Variants in CAP2 observed in about 807,000 individuals in gnomAD.
CAP2 encodes adenylyl cyclase-associated protein 2.
In CAP2, 24 loss-of-function variants were observed where a neutral mutation model predicts 57.7. The ratio of observed to expected loss-of-function variants is 0.42; its 90% confidence interval spans 0.30 to 0.58. The LOEUF (loss-of-function observed/expected upper bound fraction) is 0.58, where lower values mean the gene tolerates loss of function less well. Ranked by LOEUF, CAP2 falls within the 20% of genes least tolerant of loss-of-function variation. CAP2 has a pLI of 0.22. For missense variants in CAP2, 501 were observed against 590.3 expected, an observed-to-expected ratio of 0.85 and a Z score of 1.57; for synonymous variants, 194 against 207.2, an observed-to-expected ratio of 0.94 and a Z score of 0.55.
At chr6:17,429,253 T>C (rs1194586925) in intron 3 of CAP2, among the ~76,000 whole-genome samples, 1 of 152,200 alleles carries the variant, frequency 6.6e-6, no homozygotes, top group Non-Finnish European at 1.5e-5. Context: ...CTGAAAAAGA[T>C]GCTTGAGTGA....
chr6:17,545,209 T>G (rs1763013366), intron 11 of CAP2, among the ~76,000 whole-genome samples: 1 of 152,212 alleles, frequency 6.6e-6, no homozygotes, highest in Admixed American at 6.5e-5. Context: ...TTGGAAAGAA[T>G]GCAACCTAAC....
intron 7 of CAP2, among the ~76,000 whole-genome samples, chr6:17,517,644 T>C (rs1762300542): frequency 6.6e-6 from 1 of 152,212 alleles, no homozygotes; most frequent in African/African-American, 2.4e-5. Flanking sequence ...CTCACGCCTG[T>C]AATCCCAGCA....
At position 17,507,137 on chromosome 6, in the gene CAP2, A is replaced by G. The variant is rs565885593; in HGVS notation, c.301-32A>G. The G allele has an allele frequency of 2.6e-5, 42 of 1,613,710 alleles. No individual in the cohort carries two copies. In the South Asian group the frequency reaches 3.8e-4, roughly 15 times the overall value. On this transcript the variant is annotated intron_variant, in intron 4 of 12. Coordinates refer to ENST00000229922, the MANE Select transcript of CAP2 (RefSeq NM_006366.3). ...GGTGCTATGCGTCTGCTCTGTCTGT[A>G]GTAAAAGCCCCCGATGTTTGACTGC...
chr6:17,509,866 T>C (rs1475820864), intron 6 of CAP2, among the ~76,000 whole-genome samples: 2 of 152,022 alleles, frequency 1.3e-5, no homozygotes, highest in East Asian at 3.9e-4. Context: ...ATCCACACAA[T>C]AGAATATTAT....
At chr6:17,421,914 G>A (rs189080866) in intron 2 of CAP2, among the ~76,000 whole-genome samples, 14 of 152,316 alleles carry the variant, frequency 9.2e-5, no homozygotes, top group East Asian at 1.9e-4. Context: ...ACAGGGTCTC[G>A]CTCTATCACC....
At chr6:17,553,814 G>A (rs1013290727) in intron 12 of CAP2, among the ~76,000 whole-genome samples, 2 of 152,116 alleles carry the variant, frequency 1.3e-5, no homozygotes, top group Admixed American at 6.5e-5. Flanking sequence ...GAGAAGACTC[G>A]TTAGCATATT....
At position 17,555,182 on chromosome 6, in the gene CAP2, C is replaced by T. The variant is rs528881916; in HGVS notation, c.1351-1177C>T. On this transcript the variant is annotated intron_variant, in intron 12 of 12. Coordinates refer to ENST00000229922, the MANE Select transcript of CAP2 (RefSeq NM_006366.3). ...ATCAGAATCTGCATTTTCATAAGATCCTGAATCAGAATCTGCATTTTTTTT... is the reference window on the plus strand; with the variant it reads ...ATCAGAATCTGCATTTTCATAAGATTCTGAATCAGAATCTGCATTTTTTTT... 2.6e-5 allele frequency among the ~76,000 whole-genome samples: 4 copies of T among 152,176 alleles called. No individual in the cohort carries two copies. The South Asian group carries it at 8.3e-4, about 32-fold the overall frequency.
At chr6:17,437,719 A>G (rs932659049) in intron 3 of CAP2, among the ~76,000 whole-genome samples, 1 of 151,932 alleles carries the variant, frequency 6.6e-6, no homozygotes, top group African/African-American at 2.4e-5. Flanking sequence ...TCTACTAAAA[A>G]TACAAAAATT....
chr6:17,455,306 G>C (rs1760529723), intron 3 of CAP2, among the ~76,000 whole-genome samples: 1 of 151,660 alleles, frequency 6.6e-6, no homozygotes, highest in Non-Finnish European at 1.5e-5. Context: ...TGCCTCAAGC[G>C]AGCATGCGCA....
At chr6:17,443,180 A>G (rs908498632) in intron 3 of CAP2, among the ~76,000 whole-genome samples, 21 of 152,124 alleles carry the variant, frequency 1.4e-4, no homozygotes, top group African/African-American at 5.1e-4. Flanking sequence ...TTAGCCCAGG[A>G]GTTCTAGGCT....
Position 17,507,724 on chromosome 6 carries a change from C to G in CAP2, c.528C>G (p.His176Gln). The stretch of plus-strand genomic sequence containing the variant: ...ACAGGGTCTTAAAGGACTACAAACA[C>G]AGGTACGTACCTTCCTTTACTCACC... ...YTNRVLKDYK[H>Q]SDLRHVDWVK... Residue 176 changes from histidine to glutamine, a missense_variant and splice_region_variant, in exon 6 of 13, where the codon CAC becomes CAG. His to Gln is a conservative substitution (Grantham distance 24). Transcript: ENST00000229922. The G allele has an allele frequency of 6.4e-7, 1 of 1,562,824 alleles. No individual in the cohort carries two copies. Among genetic ancestry groups the G allele is most frequent in the South Asian group, 1.1e-5 (1 of 89,754 alleles).
chr6:17,500,340 AATATATATAT>A (rs4052821), intron 4 of CAP2, among the ~76,000 whole-genome samples: 776 of 33,076 alleles, frequency 0.023, 43 homozygotes, highest in South Asian at 0.15. Context: ...TGTGTGTCCA[AATATATATAT>A]ATATATATAT....
intron 1 of CAP2, among the ~76,000 whole-genome samples, chr6:17,394,071 C>A (rs1758609623): frequency 6.8e-6 from 1 of 148,128 alleles, no homozygotes; most frequent in Non-Finnish European, 1.5e-5. Flanking sequence ...CCGGGGTTGG[C>A]GGGCGGCCGC....
chr6:17,462,089 A>G (rs73721572), intron 3 of CAP2, among the ~76,000 whole-genome samples: 15,245 of 150,836 alleles, frequency 0.1, 2,459 homozygotes, highest in African/African-American at 0.34. Flanking sequence ...TAGTTGAATG[A>G]GTCAAGGGTG....
At chr6:17,403,405 C>T (rs1758867274) in intron 1 of CAP2, among the ~76,000 whole-genome samples, 2 of 152,166 alleles carry the variant, frequency 1.3e-5, no homozygotes. Flanking sequence ...GCCCAGCCAC[C>T]TGGACTCATT....
At chr6:17,489,411 A>G (rs903391643) in intron 4 of CAP2, among the ~76,000 whole-genome samples, 1 of 152,226 alleles carries the variant, frequency 6.6e-6, no homozygotes, top group Non-Finnish European at 1.5e-5. Flanking sequence ...CAGCCTGGGC[A>G]ACAGAGCAAG....
Position 17,510,557 on chromosome 6 carries a change from A to G in CAP2, c.530+2831A>G, listed in dbSNP as rs74562878. ...GTTACAGACTTTTTGCATCAAGGCA[A>G]TTGTGCCCAATGATATGCCTCCAAA... On this transcript the variant is annotated intron_variant, in intron 6 of 12. Coordinates refer to ENST00000229922, the MANE Select transcript of CAP2 (RefSeq NM_006366.3). Among the ~76,000 whole-genome samples the G allele has an allele frequency of 1.8e-4, 28 of 152,304 alleles. No individual in the cohort carries two copies. In the South Asian group the frequency reaches 2.9e-3, roughly 16 times the overall value.
intron 3 of CAP2, among the ~76,000 whole-genome samples, chr6:17,433,346 G>C (rs1359168501): frequency 6.6e-6 from 1 of 152,224 alleles, no homozygotes; most frequent in African/African-American, 2.4e-5. Context: ...TAAAAGGACT[G>C]TAGGCCTCCA....
intron 3 of CAP2, among the ~76,000 whole-genome samples, chr6:17,438,815 T>C (rs1759982622): frequency 1.3e-5 from 2 of 149,504 alleles, no homozygotes; most frequent in Admixed American, 1.3e-4. Flanking sequence ...TGAGTTGTCA[T>C]TTAAAAGGCT....
Sources: allele counts gnomAD v4.1 joint callset (sites outside exome capture counted in the v4.1 genomes callset), GRCh38; gene constraint gnomAD v4.1.1; transcripts MANE v1.5; gene names NCBI Gene and HGNC (gene_info 2026-07-23, HGNC 2026-07-21).